Variants in THRB observed in about 807,000 individuals in gnomAD.
THRB encodes nuclear receptor subfamily 1 group A member 2.
In THRB, 12 loss-of-function variants were observed where a neutral mutation model predicts 47.8. That is an observed-to-expected ratio of 0.25 (90% CI 0.16 to 0.41). The LOEUF (loss-of-function observed/expected upper bound fraction) is 0.41, where lower values mean the gene tolerates loss of function less well. Among genes scored for constraint, THRB ranks in the 10% least tolerant of loss-of-function variants. The pLI, the probability that THRB is intolerant of heterozygous loss-of-function variation, is 1.00. For missense variants in THRB, 348 were observed against 589.2 expected (o/e 0.59, Z 4.24); for synonymous variants, 218 against 212.2 (o/e 1.03, Z -0.24).
chr3:24,122,181 T>C lies in THRB; in HGVS notation c.*703A>G, dbSNP rs2148774513. Reference sequence around the variant, plus strand: ...GACATTGGTGAAGATTTCTAATTTCTCTGGGCTCACTGAAAAAAAATATTT... The same window carrying C: ...GACATTGGTGAAGATTTCTAATTTCCCTGGGCTCACTGAAAAAAAATATTT... On this transcript the variant is annotated 3_prime_UTR_variant, in exon 11 of 11. Coordinates refer to ENST00000646209, the MANE Select transcript of THRB (RefSeq NM_001354712.2). 1 of 153,250 alleles carries C rather than the reference T, an allele frequency of 6.5e-6. No individual in the cohort carries two copies. Among genetic ancestry groups the C allele is most frequent in the South Asian group, 2.1e-4 (1 of 4,836 alleles). The allele number at this position is 153,250 out of a possible 1,614,324, so 9.5% of individuals were successfully genotyped here.
intron 1 of THRB, among the ~76,000 whole-genome samples, chr3:24,433,191 T>C (rs1388205182): frequency 6.6e-6 from 1 of 152,122 alleles, no homozygotes; most frequent in African/African-American, 2.4e-5. Context: ...GTGGGTTAAA[T>C]AATGACCTCC....
chr3:24,317,616 A>AAACAC lies in THRB; in HGVS notation c.-189+19679_-189+19683dup, dbSNP rs565073338. Among the ~76,000 whole-genome samples the AAACAC allele has an allele frequency of 2.6e-5, 4 of 152,028 alleles. No homozygotes were observed. In the South Asian group the frequency reaches 8.3e-4, roughly 32 times the overall value. On this transcript the variant is annotated intron_variant, in intron 2 of 10. Transcript: ENST00000646209. ...GGGTGTTGGGTCTGGAAGGCATACA[A>AAACAC]AACACAACACAACACAACAAAACAA...
intron 4 of THRB, among the ~76,000 whole-genome samples, chr3:24,212,228 C>G (rs989679056): frequency 1.3e-5 from 2 of 152,106 alleles, no homozygotes; most frequent in Non-Finnish European, 2.9e-5. Context: ...GAAACCCCAT[C>G]TCTACTAAAA....
intron 1 of THRB, among the ~76,000 whole-genome samples, chr3:24,375,458 C>T (rs2065214494): frequency 7.1e-6 from 1 of 140,204 alleles, no homozygotes; most frequent in African/African-American, 2.6e-5. Context: ...TATAGTTAGA[C>T]ATATAATATT....
At chr3:24,186,638 T>C (rs1197599597) in intron 5 of THRB, among the ~76,000 whole-genome samples, 2 of 152,074 alleles carry the variant, frequency 1.3e-5, no homozygotes, top group Non-Finnish European at 2.9e-5. Context: ...AGCATAGGTA[T>C]ATGCAGGTTA....
At chr3:24,290,902 G>C (rs1019591489) in intron 3 of THRB, among the ~76,000 whole-genome samples, 1 of 152,134 alleles carries the variant, frequency 6.6e-6, no homozygotes, top group East Asian at 1.9e-4. Context: ...TAGGGAGGTG[G>C]CATCTGTTAC....
At chr3:24,420,732 A>G (rs1055954708) in intron 1 of THRB, among the ~76,000 whole-genome samples, 2 of 151,914 alleles carry the variant, frequency 1.3e-5, no homozygotes, top group African/African-American at 2.4e-5. Context: ...AGTAAAAGGA[A>G]CACATGCACT....
intron 7 of THRB, 114 bp downstream of exon 7, chr3:24,146,561 C>T (rs942194406): frequency 8.9e-7 from 1 of 1,128,684 alleles, no homozygotes; most frequent in Non-Finnish European, 1.3e-6. Context: ...GTAAGGTATT[C>T]CCTTCTCTGT....
intron 1 of THRB, among the ~76,000 whole-genome samples, chr3:24,406,651 C>A (rs2067851186): frequency 6.6e-6 from 1 of 151,222 alleles, no homozygotes; most frequent in Admixed American, 6.6e-5. Context: ...ACATGTTTTT[C>A]TATCCCTAGA....
intron 1 of THRB, among the ~76,000 whole-genome samples, chr3:24,434,085 G>T (rs1463758923): frequency 2.0e-5 from 3 of 152,074 alleles, no homozygotes; most frequent in Admixed American, 6.6e-5. Flanking sequence ...AGTGCCAACT[G>T]CTCCTAGGTT....
At chr3:24,299,486 C>G (rs2056743391) in intron 2 of THRB, among the ~76,000 whole-genome samples, 1 of 151,912 alleles carries the variant, frequency 6.6e-6, no homozygotes, top group East Asian at 1.9e-4. Context: ...TTGTAAGTGT[C>G]CTGTAGTTGG....
At position 24,138,031 on chromosome 3, in the gene THRB, C is replaced by T. The variant is rs118080031; in HGVS notation, c.739-4569G>A. 6.1e-4 allele frequency among the ~76,000 whole-genome samples: 92 copies of T among 151,806 alleles called. 1 individual carries two copies. The East Asian group carries it at 0.017, about 28-fold the overall frequency. ...ATTCAGGTGTGTGTTCAGGGGTGAC[C>T]TCAGCCCCTGCTCAGCACGGGTGAG... On this transcript the variant is annotated intron_variant, in intron 8 of 10. Coordinates refer to ENST00000646209, the MANE Select transcript of THRB (RefSeq NM_001354712.2).
chr3:24,405,335 C>A (rs779190919), intron 1 of THRB, among the ~76,000 whole-genome samples: 8 of 151,896 alleles, frequency 5.3e-5, no homozygotes, highest in Non-Finnish European at 1.2e-4. Flanking sequence ...ACAGTCATGA[C>A]TGTTTGTTTA....
At chr3:24,289,461 T>C (rs1219144912) in intron 3 of THRB, among the ~76,000 whole-genome samples, 1 of 152,174 alleles carries the variant, frequency 6.6e-6, no homozygotes, top group African/African-American at 2.4e-5. Flanking sequence ...TTTTTTTTCT[T>C]CAGGTAAATA....
intron 4 of THRB, among the ~76,000 whole-genome samples, chr3:24,215,222 T>A (rs1465138003): frequency 2.0e-5 from 3 of 152,226 alleles, no homozygotes; most frequent in Non-Finnish European, 4.4e-5. Flanking sequence ...CCCCAGAGTG[T>A]ACCATAGGAC....
chr3:24,412,839 C>G (rs2068422662), intron 1 of THRB, among the ~76,000 whole-genome samples: 1 of 151,436 alleles, frequency 6.6e-6, no homozygotes, highest in Non-Finnish European at 1.5e-5. Context: ...AAAGCATTAG[C>G]CAATAGATAA....
At chr3:24,159,686 C>T (rs953682853) in intron 5 of THRB, among the ~76,000 whole-genome samples, 1 of 151,710 alleles carries the variant, frequency 6.6e-6, no homozygotes, top group Non-Finnish European at 1.5e-5. Context: ...TCCCAGGGGA[C>T]ATTTGGCGAA....
intron 1 of THRB, among the ~76,000 whole-genome samples, chr3:24,446,261 G>C (rs887299318): frequency 5.9e-5 from 9 of 152,282 alleles, no homozygotes; most frequent in Non-Finnish European, 1.0e-4. Context: ...AGTGGAGCAA[G>C]TGGCTCATCA....
At chr3:24,295,523 C>T (rs2056370963) in intron 3 of THRB, among the ~76,000 whole-genome samples, 1 of 152,144 alleles carries the variant, frequency 6.6e-6, no homozygotes. Flanking sequence ...AGTTTTTGTT[C>T]AGAAGTTAAG....
Sources: gnomAD v4.1 joint callset for allele counts (sites outside exome capture counted in the v4.1 genomes callset) on GRCh38, gnomAD v4.1.1 for gene constraint, MANE v1.5 for transcripts, NCBI Gene and HGNC (gene_info 2026-07-23, HGNC 2026-07-21) for gene names.